PCDH8: variants seen among roughly 807,000 people sequenced by gnomAD.
PCDH8 encodes protocadherin-8.
A neutral mutation model predicts 58.2 loss-of-function variants in PCDH8; 36 were observed. That is an observed-to-expected ratio of 0.62 (90% confidence interval 0.47 to 0.82). PCDH8 has a LOEUF of 0.82. Ranked by LOEUF, PCDH8 falls within the 40% of genes least tolerant of loss-of-function variation. PCDH8 has a pLI of 0.00. For missense variants in PCDH8, 1,493 were observed against 1,567.8 expected (o/e 0.95, Z 0.81); for synonymous variants, 775 against 728.9 (o/e 1.06, Z -1.02).
At position 52,847,747 on chromosome 13, in the gene PCDH8, G is replaced by T; in HGVS notation, c.690C>A (p.Ala230=). 1 of 1,480,202 alleles carries T rather than the reference G, an allele frequency of 6.8e-7. No homozygotes were observed. The highest frequency in any genetic ancestry group is 8.9e-7 in the Non-Finnish European group (1 of 1,124,426). 91.7% of individuals were successfully genotyped at this position (1,480,202 alleles called of 1,614,324 possible). Reference sequence around the variant, plus strand: ...TCGCATCCAGGACGCGCACGCTGAGGGCAGCCGTGGCGGAGCGCGGCGGGC... The same window carrying T: ...TCGCATCCAGGACGCGCACGCTGAGTGCAGCCGTGGCGGAGCGCGGCGGGC... ...GGRPPRSATA[A]LSVRVLDAND... is the part of the protein sequence containing the mutation. The change falls in exon 1 of 3, where the codon GCC becomes GCA. Residue 230 remains alanine (A), a synonymous_variant. Coordinates refer to ENST00000377942, the MANE Select transcript of PCDH8 (RefSeq NM_002590.4).
In PCDH8 at chr13:52,847,205, A is replaced by T; in HGVS notation, c.1232T>A (p.Val411Glu). The stretch of plus-strand genomic sequence containing the variant: ...CCTGTCCGAGGTGCTGACCAGGGCC[A>T]CCAGGCTCTCGCGCGCCGCCCCCTC... ...VPEGAARESLVALVSTSDRDS... is the reference protein window; with the variant it reads ...VPEGAARESLEALVSTSDRDS... The change falls in exon 1 of 3, where the codon GTG (valine) becomes GAG (glutamate). Residue 411 changes from valine to glutamate, a missense_variant. Transcript: ENST00000377942. 1 of 1,425,698 alleles carries T rather than the reference A, an allele frequency of 7.0e-7. No homozygotes were observed. Among genetic ancestry groups the T allele is most frequent in the Non-Finnish European group, 9.1e-7 (1 of 1,097,784 alleles). The allele number at this position is 1,425,698 out of a possible 1,614,324, so 88.3% of individuals were successfully genotyped here. A position where few individuals can be genotyped will look rare whatever the true frequency, so the allele number is the denominator to read the frequency against.
At position 52,843,223 on chromosome 13, in the gene PCDH8, G is replaced by C. The variant is rs1448603776; in HGVS notation, c.*1337C>G. The C allele has an allele frequency of 6.6e-6, 1 of 152,056 alleles. No homozygotes were observed. Among genetic ancestry groups the C allele is most frequent in the East Asian group, 1.9e-4 (1 of 5,192 alleles). 9.4% of individuals were successfully genotyped at this position (152,056 alleles called of 1,614,324 possible). ...AGTACTCTTGAGTGTCTTTTTTTAA[G>C]ACTTTCCATTATGTACATTTTCAAA... On this transcript the variant is annotated 3_prime_UTR_variant, in exon 3 of 3. Coordinates refer to ENST00000377942, the MANE Select transcript of PCDH8 (RefSeq NM_002590.4).
Position 52,845,828 on chromosome 13 carries a change from C to T in PCDH8, c.2609G>A (p.Arg870Gln), listed in dbSNP as rs1407354737. 9 of 1,511,820 alleles carry T rather than the reference C, an allele frequency of 6.0e-6. No individual in the cohort carries two copies. In the South Asian group the frequency reaches 6.3e-5, roughly 11 times the overall value. The allele number at this position is 1,511,820 out of a possible 1,614,324, so 93.7% of individuals were successfully genotyped here. A position where few individuals can be genotyped will look rare whatever the true frequency, so the allele number is the denominator to read the frequency against. ...CACCTCGGCGTGCGCGCCGCGGAGC[C>T]GCTGCTGCCCCTCGAAGTGACAGGC... ...ESACHFEGQQ[R>Q]LRGAHAEPYG... Residue 870 changes from arginine (R) to glutamine (Q), a missense_variant, in exon 1 of 3, where the codon CGG becomes CAG. By Grantham distance (43) the Arg-to-Gln change is conservative. Transcript: ENST00000377942.
At position 52,846,679 on chromosome 13, in the gene PCDH8, G is replaced by C. The variant is rs1419935340; in HGVS notation, c.1758C>G (p.Ser586=). The change falls in exon 1 of 3, where the codon TCC becomes TCG. Residue 586 remains serine (S), a synonymous_variant. Transcript: ENST00000377942. ...DVRIQASDGG[S]PQLSSSALVQ... ...CTAGGGCGCTGCTGGAAAGCTGAGG[G>C]GAGCCGCCGTCGCTAGCTTGGATGC... 3.7e-6 allele frequency: 6 copies of C among 1,600,892 alleles called. No homozygotes were observed. The East Asian group carries it at 1.3e-4, about 36-fold the overall frequency.
Position 52,848,305 on chromosome 13 carries a change from C to G in PCDH8, c.132G>C (p.Thr44=). 1 of 1,613,530 alleles carries G rather than the reference C, an allele frequency of 6.2e-7. No individual in the cohort carries two copies. Among genetic ancestry groups the G allele is most frequent in the Non-Finnish European group, 8.5e-7 (1 of 1,180,042 alleles). The stretch of plus-strand genomic sequence containing the variant: ...GGTCCTCGGCCAGGGTCCCGATGAC[C>G]GTGCCGGGGGCATCCTCCTCGAAGG... ...YSTFEEDAPG[T]VIGTLAEDLH... Residue 44 remains threonine, a synonymous_variant, in exon 1 of 3, where the codon ACG becomes ACC. Transcript: ENST00000377942.
In PCDH8 at chr13:52,843,765, C is replaced by T. The variant is rs930818220; in HGVS notation, c.*795G>A. 1 of 152,194 alleles carries T rather than the reference C, an allele frequency of 6.6e-6. No individual in the cohort carries two copies. The highest frequency in any genetic ancestry group is 1.9e-4 in the East Asian group (1 of 5,198). The allele number at this position is 152,194 out of a possible 1,614,324, so 9.4% of individuals were successfully genotyped here. ...AGAGCAGGGATTTTATAGACTAATA[C>T]ATATGGAGATGCACATAATTTATGA... On this transcript the variant is annotated 3_prime_UTR_variant, in exon 3 of 3. Transcript: ENST00000377942.
In PCDH8 at chr13:52,846,609, C is replaced by G; in HGVS notation, c.1828G>C (p.Val610Leu). The change falls in exon 1 of 3, where the codon GTG becomes CTG. Residue 610 changes from valine to leucine, a missense_variant. Physicochemically the swap from Val to Leu is conservative, Grantham distance 32. Around this residue, in one of 3 missense-constraint regions of PCDH8, gnomAD observed 1,307 missense variants for 1,362.7 expected, o/e 0.96. Coordinates refer to ENST00000377942, the MANE Select transcript of PCDH8 (RefSeq NM_002590.4). ...GAGCCATTGGCTGGCGCCGGGTGCA[C>G]CAGGACTGGCGCATGGTCGTTCTGG... ...LDQNDHAPVLVHPAPANGSLE... is the reference protein window; with the variant it reads ...LDQNDHAPVLLHPAPANGSLE... 6.2e-7 allele frequency: 1 copy of G among 1,605,412 alleles called. No homozygotes were observed. Among genetic ancestry groups the G allele is most frequent in the Non-Finnish European group, 8.5e-7 (1 of 1,178,678 alleles).
rs753541806 is a variant in PCDH8 at position 52,845,462 on chromosome 13, G to C, written c.2802C>G (p.Asp934Glu). The C allele has an allele frequency of 6.2e-7, 1 of 1,614,176 alleles. No individual in the cohort carries two copies. Among genetic ancestry groups the C allele is most frequent in the East Asian group, 2.2e-5 (1 of 44,874 alleles). The change falls in exon 2 of 3, where the codon GAC (aspartate) becomes GAG (glutamate). Residue 934 changes from aspartate (D) to glutamate (E), a missense_variant. Physicochemically the swap from Asp to Glu is conservative, Grantham distance 45. Coordinates refer to ENST00000377942, the MANE Select transcript of PCDH8 (RefSeq NM_002590.4). ...GGTTGATGAGATCCTTTTTCAGAGC[G>C]TCCCCGCTGATGTCGGAATCGCTGT... ...FNDSDSDISG[D>E]ALKKDLINHM...
rs1000022179 is a variant in PCDH8, at chr13:52,846,341, G to T, written c.2096C>A (p.Pro699Gln). The T allele has an allele frequency of 2.6e-6, 4 of 1,566,394 alleles. No individual in the cohort carries two copies. The highest frequency in any genetic ancestry group is 1.8e-5 in the Admixed American group (1 of 56,704). ...LLVISDGGRP[P>Q]LTTTATVSFV... is the part of the protein sequence containing the mutation. Reference sequence around the variant, plus strand: ...GCTGACAGTTGCGGTGGTGGTGAGCGGGGGACGGCCGCCGTCGGATATGAC... The same window carrying T: ...GCTGACAGTTGCGGTGGTGGTGAGCTGGGGACGGCCGCCGTCGGATATGAC... The change falls in exon 1 of 3, where the codon CCG becomes CAG. Residue 699 changes from proline to glutamine, a missense_variant. This residue lies in a region of PCDH8 where 1,307 missense variants were observed against 1,362.7 expected (regional missense o/e 0.96). Transcript: ENST00000377942.
Position 52,847,097 on chromosome 13 carries a change from T to TGACC in PCDH8, c.1339_1340insGGTC (p.Tyr447TrpfsTer58). ...CAGCGACGCCGCGGTCACCACCAGGTAGCTGCCCGCGTAGGCCGGCTGCAG... is the reference window on the plus strand; with the variant it reads ...CAGCGACGCCGCGGTCACCACCAGGTGACCAGCTGCCCGCGTAGGCCGGCTGCAG... On this transcript the variant is annotated frameshift_variant, in exon 1 of 3. Coordinates refer to ENST00000377942, the MANE Select transcript of PCDH8 (RefSeq NM_002590.4). LOFTEE classifies it high-confidence loss of function. 6.4e-7 allele frequency: 1 copy of TGACC among 1,565,342 alleles called. No homozygotes were observed. The highest frequency in any genetic ancestry group is 8.6e-7 in the Non-Finnish European group (1 of 1,161,540).
chr13:52,845,555 G>A lies in PCDH8; in HGVS notation c.2709C>T (p.Thr903=), dbSNP rs1164003770. The change falls in exon 2 of 3, where the codon ACC becomes ACT. Residue 903 remains threonine (T), a synonymous_variant. Transcript: ENST00000377942. ...VAVWKGHSFN[T]ISGREAEKFS... Reference sequence around the variant, plus strand: ...ACTTCTCTGCTTCTCTGCCAGAAATGGTGTTGAAGGAGTGTCCTTTCCACA... The same window carrying A: ...ACTTCTCTGCTTCTCTGCCAGAAATAGTGTTGAAGGAGTGTCCTTTCCACA... The A allele has an allele frequency of 6.2e-7, 1 of 1,614,174 alleles. No individual in the cohort carries two copies.
Position 52,847,628 on chromosome 13 carries a change from G to A in PCDH8, c.809C>T (p.Ala270Val). The change falls in exon 1 of 3, where the codon GCA becomes GTA. Residue 270 changes from alanine (A) to valine (V), a missense_variant. This residue lies in a region of PCDH8 where 1,307 missense variants were observed against 1,362.7 expected (regional missense o/e 0.96). Transcript: ENST00000377942. Reference sequence around the variant, plus strand: ...GTTAGGTCCCTCGTCGGGGTCGGCTGCGTCCAGGTCGAGAAGCAGGGAGCC... The same window carrying A: ...GTTAGGTCCCTCGTCGGGGTCGGCTACGTCCAGGTCGAGAAGCAGGGAGCC... ...PVGSLLLDLD[A>V]ADPDEGPNGD... is the part of the protein sequence containing the mutation. The A allele has an allele frequency of 6.3e-7, 1 of 1,575,610 alleles. No homozygotes were observed. Among genetic ancestry groups the A allele is most frequent in the Admixed American group, 1.7e-5 (1 of 57,530 alleles).
In PCDH8 at chr13:52,843,375, AT is replaced by A. The variant is rs1965688491; in HGVS notation, c.*1184del. 1 of 152,176 alleles carries A rather than the reference AT, an allele frequency of 6.6e-6. No homozygotes were observed. The highest frequency in any genetic ancestry group is 2.1e-4 in the South Asian group (1 of 4,832). The allele number at this position is 152,176 out of a possible 1,614,324, so 9.4% of individuals were successfully genotyped here. A position where few individuals can be genotyped will look rare whatever the true frequency, so the allele number is the denominator to read the frequency against. Reference sequence around the variant, plus strand: ...AGCTCCCTGTGTTTTTTTCTAGAACATTTTAAAGCGAATCCCAAACATCATG... The same window carrying A: ...AGCTCCCTGTGTTTTTTTCTAGAACATTTAAAGCGAATCCCAAACATCATG... On this transcript the variant is annotated 3_prime_UTR_variant, in exon 3 of 3. Coordinates refer to ENST00000377942, the MANE Select transcript of PCDH8 (RefSeq NM_002590.4).
Position 52,847,126 on chromosome 13 carries a change from G to A in PCDH8, c.1311C>T (p.Phe437=). The A allele has an allele frequency of 6.5e-7, 1 of 1,549,960 alleles. No individual in the cohort carries two copies. The highest frequency in any genetic ancestry group is 8.7e-7 in the Non-Finnish European group (1 of 1,155,484). Residue 437 remains phenylalanine (F), a synonymous_variant, in exon 1 of 3, where the codon TTC becomes TTT. Coordinates refer to ENST00000377942, the MANE Select transcript of PCDH8 (RefSeq NM_002590.4). ...TGCCCGCGTAGGCCGGCTGCAGCCG[G>A]AAGTGCTCGTGCCCATAGAGGGCGC... ...VRCALYGHEH[F]RLQPAYAGSY...
At position 52,848,602 on chromosome 13, in the gene PCDH8, C is replaced by A; in HGVS notation, c.-166G>T. 7.6e-7 allele frequency: 1 copy of A among 1,316,456 alleles called. No homozygotes were observed. The highest frequency in any genetic ancestry group is 1.0e-6 in the Non-Finnish European group (1 of 999,768). The allele number at this position is 1,316,456 out of a possible 1,614,324, so 81.5% of individuals were successfully genotyped here. On this transcript the variant is annotated 5_prime_UTR_variant, in exon 1 of 3. Transcript: ENST00000377942. ...CAGCGGGCTCTGAGGACGCGCGGAC[C>A]CGCCCTCACTCTGCGCCTCTCCGTC...
chr13:52,847,198 C>T lies in PCDH8; in HGVS notation c.1239G>A (p.Leu413=). Residue 413 remains leucine (L), a synonymous_variant, in exon 1 of 3, where the codon CTG becomes CTA. Coordinates refer to ENST00000377942, the MANE Select transcript of PCDH8 (RefSeq NM_002590.4). ...CCGAGTCCCTGTCCGAGGTGCTGAC[C>T]AGGGCCACCAGGCTCTCGCGCGCCG... is the stretch of plus-strand genomic sequence containing the variant. The part of the protein sequence containing the change: ...EGAARESLVA[L]VSTSDRDSGA... The T allele has an allele frequency of 7.0e-7, 1 of 1,436,516 alleles. No homozygotes were observed. The highest frequency in any genetic ancestry group is 9.1e-7 in the Non-Finnish European group (1 of 1,102,610). 89.0% of individuals were successfully genotyped at this position (1,436,516 alleles called of 1,614,324 possible). A position where few individuals can be genotyped will look rare whatever the true frequency, so the allele number is the denominator to read the frequency against.
Position 52,846,208 on chromosome 13 carries a change from C to G in PCDH8, c.2229G>C (p.Val743=). Residue 743 remains valine, a synonymous_variant, in exon 1 of 3, where the codon GTG becomes GTC. Transcript: ENST00000377942. The stretch of plus-strand genomic sequence containing the variant: ...CGATCAGCGGCGTGTCCCATTGCAG[C>G]ACCGACCCGGACACCCCGAGCCGAG... ...PGSRLGVSGS[V]LQWDTPLIVI... is the part of the protein sequence containing the mutation. 1.3e-6 allele frequency: 2 copies of G among 1,589,412 alleles called. No individual in the cohort carries two copies. The highest frequency in any genetic ancestry group is 1.7e-6 in the Non-Finnish European group (2 of 1,175,380).
In PCDH8 at chr13:52,847,904, T is replaced by G; in HGVS notation, c.533A>C (p.His178Pro). The G allele has an allele frequency of 6.3e-7, 1 of 1,582,026 alleles. No individual in the cohort carries two copies. Among genetic ancestry groups the G allele is most frequent in the Non-Finnish European group, 8.6e-7 (1 of 1,167,766 alleles). Reference protein sequence around the residue: ...GLQTVRLAEPHSPFRVELQTR... With the variant: ...GLQTVRLAEPPSPFRVELQTR... ...CTGCAGCTCCACGCGAAAGGGGCTG[T>G]GCGGCTCGGCCAGGCGCACGGTCTG... The change falls in exon 1 of 3, where the codon CAC becomes CCC. Residue 178 changes from histidine (H) to proline (P), a missense_variant. Transcript: ENST00000377942.
Position 52,844,558 on chromosome 13 carries a change from G to C in PCDH8, c.*2C>G. On this transcript the variant is annotated 3_prime_UTR_variant, in exon 3 of 3. Coordinates refer to ENST00000377942, the MANE Select transcript of PCDH8 (RefSeq NM_002590.4). ...ATATGTGTGAAGACATGCAGCATGG[G>C]ATTACACATTTTCATTGGCTCCCTT... 6.3e-7 allele frequency: 1 copy of C among 1,580,700 alleles called. No individual in the cohort carries two copies. The highest frequency in any genetic ancestry group is 8.6e-7 in the Non-Finnish European group (1 of 1,163,228).
Sources: allele counts gnomAD v4.1 joint callset, GRCh38; gene constraint gnomAD v4.1.1; regional missense constraint gnomAD v4.1.1; transcripts MANE v1.5; gene names NCBI Gene and HGNC (gene_info 2026-07-23, HGNC 2026-07-21).